Variants in SMCP observed in about 807,000 individuals in gnomAD.
SMCP encodes the protein sperm mitochondrial-associated cysteine-rich protein.
For missense variants in SMCP, 137 were observed against 137.1 expected, an observed-to-expected ratio of 1.00 and a Z score of 0.01; for synonymous variants, 41 against 46.9, an observed-to-expected ratio of 0.87 and a Z score of 0.51.
At chr1:152,878,939 G>T (rs35645842) in intron 1 of SMCP, among the ~76,000 whole-genome samples, 12,566 of 152,274 alleles carry the variant, frequency 0.083, 743 homozygotes, top group Non-Finnish European at 0.13. Flanking sequence ...AAATTCAGCA[G>T]GTGTCTGCTC....
intron 1 of SMCP, among the ~76,000 whole-genome samples, chr1:152,879,670 G>A (rs868745529): frequency 2.8e-4 from 42 of 152,328 alleles, no homozygotes; most frequent in African/African-American, 8.9e-4. Flanking sequence ...CTGGCTCAGA[G>A]GGGCAGGACC....
At chr1:152,879,909 A>T (rs1422543246) in intron 1 of SMCP, among the ~76,000 whole-genome samples, 1 of 152,050 alleles carries the variant, frequency 6.6e-6, no homozygotes, top group Non-Finnish European at 1.5e-5. Context: ...ATGCCTCTGC[A>T]CCTCTGATCA....
At chr1:152,881,805 A>G (rs1016528448) in intron 1 of SMCP, among the ~76,000 whole-genome samples, 1 of 152,198 alleles carries the variant, frequency 6.6e-6, no homozygotes, top group Non-Finnish European at 1.5e-5. Context: ...AAACACAATC[A>G]TGGCAGAAGG....
intron 1 of SMCP, among the ~76,000 whole-genome samples, chr1:152,882,102 A>C (rs1204088106): frequency 6.6e-6 from 1 of 152,118 alleles, no homozygotes; most frequent in Non-Finnish European, 1.5e-5. Flanking sequence ...CAGTCTCCCA[A>C]GTATCTGGGA....
chr1:152,880,050 G>C (rs570937129), intron 1 of SMCP, among the ~76,000 whole-genome samples: 1 of 152,218 alleles, frequency 6.6e-6, no homozygotes, highest in African/African-American at 2.4e-5. Flanking sequence ...CTTCAGAGTA[G>C]AGAAAGGTAA....
intron 1 of SMCP, among the ~76,000 whole-genome samples, chr1:152,881,338 G>A (rs1649036209): frequency 1.3e-5 from 2 of 152,116 alleles, no homozygotes; most frequent in South Asian, 4.1e-4. Flanking sequence ...CTTCAGGAGA[G>A]GATGATACAG....
chr1:152,881,468 C>T (rs1230908496), intron 1 of SMCP, among the ~76,000 whole-genome samples: 3 of 151,700 alleles, frequency 2.0e-5, no homozygotes, highest in Non-Finnish European at 4.4e-5. Context: ...GCGGGTGGAT[C>T]ATGAGGTCAG....
At chr1:152,883,801 C>T (rs2101623682) in intron 1 of SMCP, among the ~76,000 whole-genome samples, 2 of 152,330 alleles carry the variant, frequency 1.3e-5, no homozygotes, top group African/African-American at 4.8e-5. Flanking sequence ...GCTGTAACCA[C>T]CACAGTGCTC....
At chr1:152,882,267 G>A (rs568775965) in intron 1 of SMCP, among the ~76,000 whole-genome samples, 1 of 152,228 alleles carries the variant, frequency 6.6e-6, no homozygotes, top group South Asian at 2.1e-4. Flanking sequence ...CACTGTGTCC[G>A]GCCCTCCCCC....
At chr1:152,884,039 A>C (rs1167123911) in intron 1 of SMCP, among the ~76,000 whole-genome samples, 5 of 152,232 alleles carry the variant, frequency 3.3e-5, no homozygotes, top group Non-Finnish European at 7.3e-5. Flanking sequence ...TGTCTACCTC[A>C]GGCTGGTAGC....
At chr1:152,879,155 G>A (rs1464763433) in intron 1 of SMCP, among the ~76,000 whole-genome samples, 1 of 152,226 alleles carries the variant, frequency 6.6e-6, no homozygotes, top group Admixed American at 6.5e-5. Flanking sequence ...GAGGCAGGCT[G>A]TGCACAGCAT....
intron 1 of SMCP, 145 bp from the exon 2 acceptor site, chr1:152,884,258 C>G: frequency 1.4e-6 from 1 of 694,476 alleles, no homozygotes; most frequent in South Asian, 1.9e-5. Context: ...GGCTGGCTGG[C>G]CTCTCTGAGG....
rs1411349117 is a variant in SMCP, at chr1:152,884,408, C to T, written c.-15C>T. 1 of 1,613,380 alleles carries T rather than the reference C, an allele frequency of 6.2e-7. No individual in the cohort carries two copies. Among genetic ancestry groups the T allele is most frequent in the Admixed American group, 1.7e-5 (1 of 60,004 alleles). ...ATATTATTTTCTTTTTCTAGTACCT[C>T]CAAGTGTTCAGAAGATGTGTGACCA... is the stretch of plus-strand genomic sequence containing the variant. On this transcript the variant is annotated 5_prime_UTR_variant, in exon 2 of 2. Coordinates refer to ENST00000368765, the MANE Select transcript of SMCP (RefSeq NM_030663.3).
chr1:152,880,763 A>G (rs1007208714), intron 1 of SMCP, among the ~76,000 whole-genome samples: 1 of 151,932 alleles, frequency 6.6e-6, no homozygotes, highest in Non-Finnish European at 1.5e-5. Flanking sequence ...TAAAGCCAAC[A>G]TCCTAACCCA....
intron 1 of SMCP, among the ~76,000 whole-genome samples, chr1:152,884,081 C>T (rs1464991551): frequency 6.6e-6 from 1 of 152,166 alleles, no homozygotes; most frequent in Non-Finnish European, 1.5e-5. Flanking sequence ...TTGTGAAGTG[C>T]CTGACACTTG....
intron 1 of SMCP, among the ~76,000 whole-genome samples, chr1:152,881,793 G>A (rs551988697): frequency 5.3e-5 from 8 of 152,142 alleles, no homozygotes; most frequent in African/African-American, 1.4e-4. Context: ...GAAGGCCTCA[G>A]GAAACACAAT....
intron 1 of SMCP, among the ~76,000 whole-genome samples, chr1:152,880,716 C>G (rs1649005831): frequency 6.6e-6 from 1 of 151,974 alleles, no homozygotes; most frequent in Middle Eastern, 3.2e-3. Flanking sequence ...TAGGATGAAT[C>G]CAGGAATAAC....
rs145468818 is a variant in SMCP, at chr1:152,884,435, A to G, written c.13A>G (p.Thr5Ala). 6.2e-7 allele frequency: 1 copy of G among 1,614,220 alleles called. No homozygotes were observed. The highest frequency in any genetic ancestry group is 8.5e-7 in the Non-Finnish European group (1 of 1,180,042). Residue 5 changes from threonine to alanine, a missense_variant, in exon 2 of 2, where the codon ACA (threonine) becomes GCA (alanine). By Grantham distance (58) the Thr-to-Ala change is moderately conservative. Transcript: ENST00000368765. Reference sequence around the variant, plus strand: ...AAGTGTTCAGAAGATGTGTGACCAGACAAAACACAGTAAATGCTGCCCAGC... The same window carrying G: ...AAGTGTTCAGAAGATGTGTGACCAGGCAAAACACAGTAAATGCTGCCCAGC... The part of the protein sequence containing the change: MCDQ[T>A]KHSKCCPAKG...
At chr1:152,882,710 C>T (rs1327155418) in intron 1 of SMCP, among the ~76,000 whole-genome samples, 1 of 152,152 alleles carries the variant, frequency 6.6e-6, no homozygotes, top group Admixed American at 6.5e-5. Flanking sequence ...CATGTGTGTG[C>T]TTAGTGGAAA....
Sources: gnomAD v4.1 joint callset for allele counts (sites outside exome capture counted in the v4.1 genomes callset) on GRCh38, gnomAD v4.1.1 for gene constraint, MANE v1.5 for transcripts, NCBI Gene and HGNC (gene_info 2026-07-23, HGNC 2026-07-21) for gene names.